HS3ST4: variants seen among roughly 807,000 people sequenced by gnomAD.
HS3ST4 encodes the protein heparan sulfate glucosamine 3-O-sulfotransferase 4.
HS3ST4 carries 17 observed loss-of-function variants against 29.2 expected under a neutral mutation model. The ratio of observed to expected loss-of-function variants is 0.58; its 90% CI spans 0.40 to 0.87. The LOEUF (loss-of-function observed/expected upper bound fraction) is 0.87, where lower values mean the gene tolerates loss of function less well. Ranked by LOEUF, HS3ST4 falls within the 40% of genes least tolerant of loss-of-function variation. HS3ST4 has a pLI of 0.00. For synonymous variants in HS3ST4, 314 were observed against 285.7 expected (o/e 1.10, Z -1.00); for missense variants, 627 against 634.5 (o/e 0.99, Z 0.13).
chr16:26,085,574 T>C (rs148348723), intron 1 of HS3ST4, among the ~76,000 whole-genome samples: 1 of 152,086 alleles, frequency 6.6e-6, no homozygotes, highest in Admixed American at 6.6e-5. Flanking sequence ...AAATAGCTGA[T>C]TAAAAGTCAG....
intron 1 of HS3ST4, among the ~76,000 whole-genome samples, chr16:25,813,870 T>A (rs1967066611): frequency 6.6e-6 from 1 of 152,076 alleles, no homozygotes; most frequent in African/African-American, 2.4e-5. Flanking sequence ...TAAATTGTGG[T>A]GAGATAGGAA....
intron 1 of HS3ST4, among the ~76,000 whole-genome samples, chr16:25,816,228 A>G (rs542327783): frequency 6.6e-6 from 1 of 152,124 alleles, no homozygotes; most frequent in East Asian, 1.9e-4. Flanking sequence ...ACCATTTCTG[A>G]CTCTAATTTT....
intron 1 of HS3ST4, among the ~76,000 whole-genome samples, chr16:26,101,269 T>C (rs768843085): frequency 6.6e-6 from 1 of 152,226 alleles, no homozygotes; most frequent in Non-Finnish European, 1.5e-5. Context: ...TGCCTCTGGC[T>C]TTTCTTGGGG....
chr16:26,070,687 C>T (rs1898592457), intron 1 of HS3ST4, among the ~76,000 whole-genome samples: 1 of 152,204 alleles, frequency 6.6e-6, no homozygotes, highest in Non-Finnish European at 1.5e-5. Context: ...GCATTGAAAA[C>T]TTCCCTATTG....
At chr16:25,777,139 C>T (rs890572518) in intron 1 of HS3ST4, among the ~76,000 whole-genome samples, 1 of 152,174 alleles carries the variant, frequency 6.6e-6, no homozygotes, top group Non-Finnish European at 1.5e-5. Flanking sequence ...GGTAGGGGTT[C>T]TCTCTTGACT....
At chr16:25,768,361 A>G (rs1478235382) in intron 1 of HS3ST4, among the ~76,000 whole-genome samples, 1 of 152,202 alleles carries the variant, frequency 6.6e-6, no homozygotes, top group African/African-American at 2.4e-5. Flanking sequence ...CACAGGCCCT[A>G]GTAGGGCATC....
intron 1 of HS3ST4, among the ~76,000 whole-genome samples, chr16:25,800,467 T>C (rs1197290880): frequency 2.0e-5 from 3 of 151,872 alleles, no homozygotes; most frequent in Non-Finnish European, 4.4e-5. Flanking sequence ...GATGGAAATA[T>C]ATCTACTTTT....
At chr16:25,708,575 T>C (rs985750080) in intron 1 of HS3ST4, among the ~76,000 whole-genome samples, 2 of 152,144 alleles carry the variant, frequency 1.3e-5, no homozygotes, top group Non-Finnish European at 2.9e-5. Flanking sequence ...GCAATTAATA[T>C]TAAGAAATAT....
At chr16:26,014,663 A>C (rs1411117198) in intron 1 of HS3ST4, among the ~76,000 whole-genome samples, 1 of 152,250 alleles carries the variant, frequency 6.6e-6, no homozygotes, top group African/African-American at 2.4e-5. Flanking sequence ...GTGGCTGTAA[A>C]GAACACGATC....
At chr16:25,991,721 G>C (rs1381790812) in intron 1 of HS3ST4, among the ~76,000 whole-genome samples, 1 of 152,178 alleles carries the variant, frequency 6.6e-6, no homozygotes, top group Non-Finnish European at 1.5e-5. Context: ...ATGCAGATTA[G>C]AAAATGGCAA....
At chr16:25,889,386 T>A (rs1290181467) in intron 1 of HS3ST4, among the ~76,000 whole-genome samples, 1 of 152,276 alleles carries the variant, frequency 6.6e-6, no homozygotes, top group East Asian at 1.9e-4. Flanking sequence ...TCGCCAGACT[T>A]GCTAGAGAAG....
At chr16:25,800,706 A>G (rs916522590) in intron 1 of HS3ST4, among the ~76,000 whole-genome samples, 2 of 152,046 alleles carry the variant, frequency 1.3e-5, no homozygotes, top group African/African-American at 2.4e-5. Flanking sequence ...TTGAAACTTG[A>G]TCTTCAGTGT....
intron 1 of HS3ST4, among the ~76,000 whole-genome samples, chr16:25,790,312 G>A (rs1286458701): frequency 6.6e-6 from 1 of 152,184 alleles, no homozygotes; most frequent in Non-Finnish European, 1.5e-5. Context: ...CAGAGGCTGA[G>A]GCAGGAGAAT....
At chr16:25,974,574 T>G (rs1567285080) in intron 1 of HS3ST4, among the ~76,000 whole-genome samples, 1 of 151,212 alleles carries the variant, frequency 6.6e-6, no homozygotes, top group South Asian at 2.1e-4. Context: ...ACAAAGAAAC[T>G]CTCCCCTTTA....
chr16:25,940,624 C>G (rs548897988), intron 1 of HS3ST4, among the ~76,000 whole-genome samples: 2 of 152,194 alleles, frequency 1.3e-5, no homozygotes, highest in African/African-American at 2.4e-5. Context: ...GGGGCATGGA[C>G]AGCAGAGCCA....
intron 1 of HS3ST4, among the ~76,000 whole-genome samples, chr16:26,110,185 T>G (rs1243334014): frequency 6.6e-6 from 1 of 152,220 alleles, no homozygotes; most frequent in African/African-American, 2.4e-5. Flanking sequence ...CTTAGCATAA[T>G]GTCCTCCAGG....
intron 1 of HS3ST4, among the ~76,000 whole-genome samples, chr16:25,970,324 C>T (rs2141706034): frequency 6.6e-6 from 1 of 152,338 alleles, no homozygotes; most frequent in Non-Finnish European, 1.5e-5. Context: ...AGACCTTGAA[C>T]ATAATAAGTG....
At chr16:25,978,264 C>G (rs1224225123) in intron 1 of HS3ST4, among the ~76,000 whole-genome samples, 4 of 152,166 alleles carry the variant, frequency 2.6e-5, no homozygotes, top group Non-Finnish European at 5.9e-5. Context: ...GAAATCCCAG[C>G]CATTAGAAGA....
At chr16:25,838,275 G>T (rs1392942054) in intron 1 of HS3ST4, among the ~76,000 whole-genome samples, 2 of 152,146 alleles carry the variant, frequency 1.3e-5, no homozygotes, top group Admixed American at 6.5e-5. Context: ...TACAGTGCAG[G>T]CTTCTTCTTA....
Sources: gnomAD v4.1 joint callset for allele counts (sites outside exome capture counted in the v4.1 genomes callset) on GRCh38, gnomAD v4.1.1 for gene constraint, MANE v1.5 for transcripts, NCBI Gene and HGNC (gene_info 2026-07-23, HGNC 2026-07-21) for gene names.